Variants in GRHL2 observed in about 807,000 individuals in gnomAD.
GRHL2 encodes grainyhead like transcription factor 2, also known as grainyhead-like protein 2 homolog.
Under a neutral mutation model 83.8 loss-of-function variants are expected in GRHL2, and 21 were observed. The observed-to-expected ratio is 0.25, with a 90% confidence interval of 0.18 to 0.36. GRHL2 has a LOEUF of 0.36. Ranked by LOEUF, GRHL2 falls within the 10% of genes least tolerant of loss-of-function variation. The pLI, the probability that GRHL2 is intolerant of heterozygous loss-of-function variation, is 1.00. For synonymous variants in GRHL2, 280 were observed against 278.9 expected, an observed-to-expected ratio of 1.00 and a Z score of -0.04; for missense variants, 623 against 781.8, an observed-to-expected ratio of 0.80 and a Z score of 2.42.
intron 2 of GRHL2, among the ~76,000 whole-genome samples, chr8:101,546,871 T>G (rs1424778744): frequency 6.6e-6 from 1 of 152,246 alleles, no homozygotes; most frequent in African/African-American, 2.4e-5. Flanking sequence ...AAATATTGCT[T>G]TCTGTAACTA....
intron 1 of GRHL2, among the ~76,000 whole-genome samples, chr8:101,517,026 C>T (rs939131228): frequency 6.6e-6 from 1 of 152,106 alleles, no homozygotes; most frequent in African/African-American, 2.4e-5. Flanking sequence ...TGGTGGGATG[C>T]CTTTGGGTTT....
rs745685793 is a variant in GRHL2, at chr8:101,649,461, A to T, written c.1660A>T (p.Met554Leu). 1.2e-6 allele frequency: 2 copies of T among 1,614,012 alleles called. No homozygotes were observed. Among genetic ancestry groups the T allele is most frequent in the South Asian group, 2.2e-5 (2 of 91,046 alleles). The change falls in exon 14 of 16, where the codon ATG (methionine) becomes TTG (leucine). Residue 554 changes from methionine (M) to leucine (L), a missense_variant. Around this residue, in one of 8 missense-constraint regions of GRHL2, gnomAD observed 210 missense variants for 254.8 expected, o/e 0.82. Coordinates refer to ENST00000646743, the MANE Select transcript of GRHL2 (RefSeq NM_024915.4). ...GACTGACGATGTGTTCGATGCATTG[A>T]TGTTGAAGTCTCCCACAGTGAAGGG... The part of the protein sequence containing the change: ...KETDDVFDAL[M>L]LKSPTVKGLM...
intron 1 of GRHL2, among the ~76,000 whole-genome samples, chr8:101,518,668 C>T (rs937784887): frequency 9.2e-5 from 14 of 152,178 alleles, no homozygotes; most frequent in East Asian, 3.8e-4. Context: ...TTCAACAGAA[C>T]GATTCACTCC....
intron 8 of GRHL2, among the ~76,000 whole-genome samples, chr8:101,602,574 C>G (rs1812539469): frequency 6.6e-6 from 1 of 151,676 alleles, no homozygotes; most frequent in Non-Finnish European, 1.5e-5. Context: ...TTTTTTTTGC[C>G]CACATTAGAT....
intron 1 of GRHL2, among the ~76,000 whole-genome samples, chr8:101,495,302 T>C (rs1363068044): frequency 6.6e-6 from 1 of 152,248 alleles, no homozygotes; most frequent in African/African-American, 2.4e-5. Context: ...AGGCAATCTT[T>C]GGGATTGCAC....
At chr8:101,598,051 A>G (rs16867973) in intron 7 of GRHL2, among the ~76,000 whole-genome samples, 27,827 of 152,080 alleles carry the variant, frequency 0.18, 3,010 homozygotes, top group African/African-American at 0.3. Context: ...TTAAAGCTAT[A>G]TACACAGGCA....
chr8:101,659,865 T>C (rs553993599), intron 14 of GRHL2, among the ~76,000 whole-genome samples: 3 of 152,346 alleles, frequency 2.0e-5, no homozygotes, highest in African/African-American at 7.2e-5. Context: ...AACTTTCTAG[T>C]GTTCATTTAG....
intron 7 of GRHL2, among the ~76,000 whole-genome samples, chr8:101,598,080 C>T (rs181948518): frequency 1.5e-4 from 23 of 151,882 alleles, no homozygotes; most frequent in Admixed American, 3.9e-4. Context: ...CAATATATTC[C>T]GTAAGAATAT....
chr8:101,502,380 C>T (rs1005979937), intron 1 of GRHL2, among the ~76,000 whole-genome samples: 6 of 152,152 alleles, frequency 3.9e-5, no homozygotes, highest in Admixed American at 1.3e-4. Context: ...GCTCCCAAGC[C>T]CCCTCACCTC....
At chr8:101,535,381 C>T (rs1157517638) in intron 1 of GRHL2, among the ~76,000 whole-genome samples, 5 of 152,050 alleles carry the variant, frequency 3.3e-5, no homozygotes, top group African/African-American at 1.2e-4. Flanking sequence ...GAAGGTTTTC[C>T]AGATCCCAGG....
chr8:101,512,843 T>C (rs1450373634), intron 1 of GRHL2, among the ~76,000 whole-genome samples: 1 of 152,178 alleles, frequency 6.6e-6, no homozygotes, highest in Non-Finnish European at 1.5e-5. Context: ...CTGGGTGGCT[T>C]ATAAACAACA....
Position 101,568,866 on chromosome 8 carries a change from CT to C in GRHL2, c.679-1471del, listed in dbSNP as rs539703604. Among the ~76,000 whole-genome samples the C allele has an allele frequency of 1.1e-4, 17 of 152,198 alleles. No individual in the cohort carries two copies. In the South Asian group the frequency reaches 3.5e-3, roughly 32 times the overall value. ...GGGTAAAATTTGAAGGGAAGATAAT[CT>C]TCTTGAATTCAAGAAGTAAGATTGG... On this transcript the variant is annotated intron_variant, in intron 4 of 15. Coordinates refer to ENST00000646743, the MANE Select transcript of GRHL2 (RefSeq NM_024915.4).
intron 1 of GRHL2, among the ~76,000 whole-genome samples, chr8:101,497,723 A>G (rs1314428657): frequency 6.6e-6 from 1 of 152,232 alleles, no homozygotes; most frequent in Admixed American, 6.5e-5. Flanking sequence ...ATAGGGCAAC[A>G]CTGCTTCAAA....
chr8:101,622,654 AG>A (rs1179706842), intron 9 of GRHL2, among the ~76,000 whole-genome samples: 1 of 152,224 alleles, frequency 6.6e-6, no homozygotes, highest in Non-Finnish European at 1.5e-5. Context: ...AGCAGATATT[AG>A]TAGCCAGTTC....
intron 2 of GRHL2, among the ~76,000 whole-genome samples, chr8:101,549,267 G>C (rs1317229100): frequency 6.6e-6 from 1 of 152,180 alleles, no homozygotes; most frequent in African/African-American, 2.4e-5. Context: ...AACAGGGGCT[G>C]CCTACATTGA....
At chr8:101,592,886 G>C (rs1166350050) in intron 7 of GRHL2, among the ~76,000 whole-genome samples, 1 of 152,186 alleles carries the variant, frequency 6.6e-6, no homozygotes. Flanking sequence ...CATTAACAAT[G>C]AGATTAAGTT....
chr8:101,632,176 C>T, intron 10 of GRHL2, 50 bp from the exon 11 acceptor site: 1 of 1,598,452 alleles, frequency 6.3e-7, no homozygotes, highest in South Asian at 1.1e-5. Flanking sequence ...GTTGAGAGTT[C>T]TTAGTCATAT....
In GRHL2 at chr8:101,629,200, C is replaced by T. The variant is rs1813136467; in HGVS notation, c.1258-2437C>T. 2.0e-5 allele frequency among the ~76,000 whole-genome samples: 3 copies of T among 152,056 alleles called. No homozygotes were observed. The South Asian group carries it at 6.2e-4, about 32-fold the overall frequency. On this transcript the variant is annotated intron_variant, in intron 9 of 15. Coordinates refer to ENST00000646743, the MANE Select transcript of GRHL2 (RefSeq NM_024915.4). ...TATTGTAAGAAATTGTTACAGCCAC[C>T]CCAACCTTCAGCAACCCTCACCCTG...
intron 1 of GRHL2, among the ~76,000 whole-genome samples, chr8:101,500,954 G>A (rs624051): frequency 0.94 from 143,933 of 152,340 alleles, 68,110 homozygotes; most frequent in Non-Finnish European, 0.96. Flanking sequence ...ATACTGGGAA[G>A]AGAGAAGTGT....
Sources: allele counts gnomAD v4.1 joint callset (sites outside exome capture counted in the v4.1 genomes callset), GRCh38; gene constraint gnomAD v4.1.1; regional missense constraint gnomAD v4.1.1; transcripts MANE v1.5; gene names NCBI Gene and HGNC (gene_info 2026-07-23, HGNC 2026-07-21).